The following DNAJA3 variants were observed in gnomAD, a reference collection of about 807,000 sequenced individuals.
DNAJA3 encodes DnaJ heat shock protein family (Hsp40) member A3, also known as dnaJ homolog subfamily A member 3, mitochondrial.
In DNAJA3, 29 loss-of-function variants were observed where a neutral mutation model predicts 54.9. The observed-to-expected ratio is 0.53, with a 90% CI of 0.39 to 0.72. The LOEUF (loss-of-function observed/expected upper bound fraction) is 0.72, where lower values mean the gene tolerates loss of function less well. Ranked by LOEUF, DNAJA3 falls within the 30% of genes least tolerant of loss-of-function variation. DNAJA3 has a pLI of 0.00. For synonymous variants in DNAJA3, 302 were observed against 251.4 expected (o/e 1.20, Z -1.90); for missense variants, 708 against 639.4 (o/e 1.11, Z -1.16).
rs1160086195 is a variant in DNAJA3 at position 4,443,100 on chromosome 16, T to C, written c.867T>C (p.Cys289=). ...GGRGSIIISP[C]VVCRGAGQAK... Reference sequence around the variant, plus strand: ...GCGGCTCCATCATCATATCGCCCTGTGTGGTCTGCAGGGGAGCAGGACAAG... The same window carrying C: ...GCGGCTCCATCATCATATCGCCCTGCGTGGTCTGCAGGGGAGCAGGACAAG... The change falls in exon 6 of 12, where the codon TGT becomes TGC. Residue 289 remains cysteine (C), a synonymous_variant. Coordinates refer to ENST00000262375, the MANE Select transcript of DNAJA3 (RefSeq NM_005147.6). The C allele has an allele frequency of 6.2e-7, 1 of 1,613,884 alleles. No individual in the cohort carries two copies. The highest frequency in any genetic ancestry group is 8.5e-7 in the Non-Finnish European group (1 of 1,180,004).
At chr16:4,434,574 C>T in intron 2 of DNAJA3, 57 bp downstream of exon 2, 10 of 1,586,940 alleles carry the variant, frequency 6.3e-6, no homozygotes, top group Non-Finnish European at 7.7e-6. Context: ...TTGTTGATCC[C>T]ATGTGATCCT....
intron 7 of DNAJA3, among the ~76,000 whole-genome samples, chr16:4,446,385 A>G (rs1216573351): frequency 6.6e-6 from 1 of 151,354 alleles, no homozygotes; most frequent in African/African-American, 2.4e-5. Flanking sequence ...CTGGGATTAC[A>G]GGGGCCCGCC....
intron 1 of DNAJA3, chr16:4,434,001 T>C (rs2056739833): frequency 8.3e-6 from 2 of 240,110 alleles, no homozygotes; most frequent in Non-Finnish European, 1.6e-5. Flanking sequence ...GAGGTTTATT[T>C]AACTCACAGT....
At chr16:4,430,158 T>A (rs995437486) in intron 1 of DNAJA3, among the ~76,000 whole-genome samples, 28 of 149,448 alleles carry the variant, frequency 1.9e-4, no homozygotes, top group Middle Eastern at 3.2e-3. Context: ...AAAAAAAAAT[T>A]TTGAAAAGGT....
chr16:4,434,551 T>C (rs1388640735), intron 2 of DNAJA3, 34 bp downstream of exon 2: 1 of 1,602,634 alleles, frequency 6.2e-7, no homozygotes, highest in Non-Finnish European at 8.5e-7. Flanking sequence ...GTGACCAAAT[T>C]GTAGTAGGAA....
chr16:4,448,173 C>T (rs8046837), intron 8 of DNAJA3, among the ~76,000 whole-genome samples: 90,652 of 150,694 alleles, frequency 0.6, 28,704 homozygotes, highest in Non-Finnish European at 0.71. Flanking sequence ...CCTACAAGCA[C>T]GCGCCACCAT....
At chr16:4,455,273 A>G (rs1296548262) in intron 11 of DNAJA3, among the ~76,000 whole-genome samples, 1 of 152,174 alleles carries the variant, frequency 6.6e-6, no homozygotes, top group Non-Finnish European at 1.5e-5. Context: ...AGCCAGGCCT[A>G]GAACTCAGAT....
At chr16:4,430,921 A>G (rs1233774565) in intron 1 of DNAJA3, 1 of 151,954 alleles carries the variant, frequency 6.6e-6, no homozygotes, top group Non-Finnish European at 1.5e-5. Context: ...GTGTGCGCCT[A>G]TAGTCCTGGC....
At chr16:4,443,239 A>AG in intron 6 of DNAJA3, 75 bp downstream of exon 6, 1 of 1,564,646 alleles carries the variant, frequency 6.4e-7, no homozygotes, top group Non-Finnish European at 8.7e-7. Context: ...CCGTGTGGAG[A>AG]GGGTGGACAG....
intron 7 of DNAJA3, 107 bp from the exon 8 acceptor site, chr16:4,446,779 G>A: frequency 1.5e-6 from 2 of 1,356,412 alleles, no homozygotes; most frequent in Non-Finnish European, 1.0e-6. Flanking sequence ...ATGTATGGAA[G>A]GGGTGTGTAG....
intron 1 of DNAJA3, among the ~76,000 whole-genome samples, chr16:4,429,375 C>T (rs184485409): frequency 6.6e-5 from 10 of 152,204 alleles, no homozygotes; most frequent in Non-Finnish European, 4.4e-5. Flanking sequence ...AGGCACGTGC[C>T]ACCACTCCCA....
intron 1 of DNAJA3, 51 bp from the exon 2 acceptor site, chr16:4,434,328 GTTTTC>G: frequency 6.3e-7 from 1 of 1,591,786 alleles, no homozygotes; most frequent in Non-Finnish European, 8.5e-7. Flanking sequence ...TGTACTCACA[GTTTTC>G]TTTTGTTGAG....
intron 6 of DNAJA3, among the ~76,000 whole-genome samples, chr16:4,443,726 A>G (rs1417313389): frequency 3.3e-5 from 5 of 150,216 alleles, no homozygotes; most frequent in African/African-American, 9.8e-5. Flanking sequence ...TCGCTCTGTC[A>G]CCCAGGCTGG....
At chr16:4,431,803 C>T (rs1431450153) in intron 1 of DNAJA3, 1 of 152,218 alleles carries the variant, frequency 6.6e-6, no homozygotes, top group Non-Finnish European at 1.5e-5. Flanking sequence ...GTCTCGAACT[C>T]CTGACCTCAA....
intron 1 of DNAJA3, among the ~76,000 whole-genome samples, chr16:4,429,541 T>G (rs2056667817): frequency 6.6e-6 from 1 of 152,056 alleles, no homozygotes. Flanking sequence ...TTTTTAAAAA[T>G]TAGCTGACTG....
chr16:4,455,641 G>C lies in DNAJA3; in HGVS notation c.*109G>C, dbSNP rs1188770057. On this transcript the variant is annotated 3_prime_UTR_variant, in exon 12 of 12. Transcript: ENST00000262375. ...GAGGATTCCAGAACAGCAGCACTGA[G>C]CTCCCACCCGCAGAGCCTCTGGACG... is the stretch of plus-strand genomic sequence containing the variant. 2.0e-6 allele frequency: 3 copies of C among 1,519,830 alleles called. No homozygotes were observed. The East Asian group carries it at 7.4e-5, about 37-fold the overall frequency. 94.1% of individuals were successfully genotyped at this position (1,519,830 alleles called of 1,614,324 possible).
intron 2 of DNAJA3, 113 bp from the exon 3 acceptor site, chr16:4,437,289 A>G: frequency 1.1e-6 from 1 of 907,436 alleles, no homozygotes; most frequent in Non-Finnish European, 1.7e-6. Context: ...ACTTTTATAA[A>G]GGGAACATAA....
chr16:4,448,855 G>T lies in DNAJA3; in HGVS notation c.1241+7G>T. ...TCAAGATACGAGTTCCAAAGTAAGT[G>T]CCCCCTAGGCTGTGGCCAAGCCCGC... On this transcript the variant is annotated splice_region_variant and intron_variant, in intron 9 of 11. Coordinates refer to ENST00000262375, the MANE Select transcript of DNAJA3 (RefSeq NM_005147.6). The T allele has an allele frequency of 6.2e-7, 1 of 1,608,908 alleles. No individual in the cohort carries two copies. Among genetic ancestry groups the T allele is most frequent in the Non-Finnish European group, 8.5e-7 (1 of 1,176,220 alleles).
chr16:4,446,743 A>C, intron 7 of DNAJA3, 143 bp from the exon 8 acceptor site: 1 of 921,352 alleles, frequency 1.1e-6, no homozygotes. Flanking sequence ...TTGGAAGGAC[A>C]GTTCTTTCCC....
Sources: gnomAD v4.1 joint callset for allele counts (sites outside exome capture counted in the v4.1 genomes callset) on GRCh38, gnomAD v4.1.1 for gene constraint, MANE v1.5 for transcripts, NCBI Gene and HGNC (gene_info 2026-07-23, HGNC 2026-07-21) for gene names.